CYP2A7: variants seen among roughly 807,000 people sequenced by gnomAD.
CYP2A7 encodes cytochrome P450 2A7.
In CYP2A7, 36 loss-of-function variants were observed where a neutral mutation model predicts 42.0. The observed-to-expected ratio is 0.86, with a 90% confidence interval of 0.66 to 1.13. CYP2A7 has a LOEUF of 1.13. Ranked by LOEUF, CYP2A7 falls within the 50% of genes most tolerant of loss-of-function variation. The pLI, the probability that CYP2A7 is intolerant of heterozygous loss-of-function variation, is 0.00. For synonymous variants in CYP2A7, 260 were observed against 249.5 expected, an observed-to-expected ratio of 1.04 and a Z score of -0.40; for missense variants, 661 against 634.1, an observed-to-expected ratio of 1.04 and a Z score of -0.46.
At chr19:40,879,413 G>A (rs1967605583) in intron 4 of CYP2A7, among the ~76,000 whole-genome samples, 2 of 151,806 alleles carry the variant, frequency 1.3e-5, no homozygotes, top group Middle Eastern at 3.4e-3. Flanking sequence ...AGTGGGGCTG[G>A]TGAAGATGTT....
At chr19:40,880,399 T>C in intron 3 of CYP2A7, 80 bp downstream of exon 3, 1 of 1,569,020 alleles carries the variant, frequency 6.4e-7, no homozygotes, top group Non-Finnish European at 8.7e-7. Flanking sequence ...CTAGTCCCCA[T>C]CCGCAGGCAG....
Position 40,877,620 on chromosome 19 carries a change from G to A in CYP2A7, c.973+232C>T, listed in dbSNP as rs554364086. Among the ~76,000 whole-genome samples, 7 of 151,546 alleles carry A rather than the reference G, an allele frequency of 4.6e-5. No homozygotes were observed. In the East Asian group the frequency reaches 5.8e-4, roughly 13 times the overall value. The stretch of plus-strand genomic sequence containing the variant: ...GAGATGACCCGGGGGAAGGGGCAGC[G>A]GGCACTCAGTGGGCTTGGGACAGAA... On this transcript the variant is annotated intron_variant, in intron 6 of 8. Transcript: ENST00000301146.
chr19:40,877,824 C>T lies in CYP2A7; in HGVS notation c.973+28G>A, dbSNP rs757199489. 104 of 1,588,464 alleles carry T rather than the reference C, an allele frequency of 6.5e-5. 6 individuals are homozygous for T. The highest frequency in any genetic ancestry group is 8.9e-5 in the Non-Finnish European group (104 of 1,168,896). On this transcript the variant is annotated intron_variant, in intron 6 of 8. Coordinates refer to ENST00000301146, the MANE Select transcript of CYP2A7 (RefSeq NM_000764.3). Reference sequence around the variant, plus strand: ...AGGGGAATTTTGAGGGTCTGGGGCCCTCCACTTCCGTCCCCCTCCAGCCTT... The same window carrying T: ...AGGGGAATTTTGAGGGTCTGGGGCCTTCCACTTCCGTCCCCCTCCAGCCTT...
rs538870680 is a variant in CYP2A7 at position 40,880,238 on chromosome 19, T to C, written c.500A>G (p.Asn167Ser). ...GCTCAGGAAGAAGGTGGGATCGATA[T>C]TGGCGCCTGCGGGTGTGGAGGGAGA... ...IEAIRSTHGA[N>S]IDPTFFLSRT... is the part of the protein sequence containing the mutation. The change falls in exon 4 of 9, where the codon AAT (asparagine) becomes AGT (serine). Residue 167 changes from asparagine (N) to serine (S), a missense_variant. Physicochemically the swap from Asn to Ser is conservative, Grantham distance 46. This residue lies in a region of CYP2A7 where 614 missense variants were observed against 552.4 expected (regional missense o/e 1.11). Coordinates refer to ENST00000301146, the MANE Select transcript of CYP2A7 (RefSeq NM_000764.3). 3 of 1,612,634 alleles carry C rather than the reference T, an allele frequency of 1.9e-6. No individual in the cohort carries two copies. The highest frequency in any genetic ancestry group is 2.2e-5 in the South Asian group (2 of 90,978).
intron 7 of CYP2A7, chr19:40,876,928 T>G (rs912871326): frequency 1.6e-5 from 10 of 640,304 alleles, no homozygotes; most frequent in African/African-American, 1.1e-4. Context: ...ACAAAAGGCC[T>G]AATGGAAAGG....
chr19:40,881,590 A>G lies in CYP2A7; in HGVS notation c.342T>C (p.Tyr114=). 1 of 1,611,820 alleles carries G rather than the reference A, an allele frequency of 6.2e-7. No homozygotes were observed. The highest frequency in any genetic ancestry group is 8.5e-7 in the Non-Finnish European group (1 of 1,179,566). Residue 114 remains tyrosine (Y), a splice_region_variant and synonymous_variant, in exon 2 of 9, where the codon TAT becomes TAC. Transcript: ENST00000301146. ...QATFDWVFKG[Y]GVAFSNGERA... ...TCCCCATCTTGGGCACCCCCTCACC[A>G]TAGCCTTTGAAGACCCAGTCGAAGG...
intron 4 of CYP2A7, among the ~76,000 whole-genome samples, chr19:40,879,535 A>G (rs1967607700): frequency 2.6e-5 from 4 of 151,930 alleles, no homozygotes; most frequent in Admixed American, 2.0e-4. Context: ...TTTGTGTGTC[A>G]GGGAACAATC....
intron 5 of CYP2A7, 102 bp from the exon 6 acceptor site, chr19:40,878,095 G>C (rs1967577857): frequency 7.6e-7 from 1 of 1,319,606 alleles, no homozygotes; most frequent in South Asian, 1.5e-5. Flanking sequence ...CAGACCAAAG[G>C]TGGAAAGAGG....
chr19:40,877,121 G>A (rs1196065278), intron 7 of CYP2A7, 69 bp downstream of exon 7: 1 of 1,557,354 alleles, frequency 6.4e-7, no homozygotes, highest in Admixed American at 1.7e-5. Context: ...CTTCTAATGG[G>A]GGCAGGATTC....
Position 40,875,871 on chromosome 19 carries a change from T to C in CYP2A7, c.1307A>G (p.Lys436Arg), listed in dbSNP as rs760359255. ...SDAFVPFSIGKRNCFGEGLAR... is the reference protein window; with the variant it reads ...SDAFVPFSIGRRNCFGEGLAR... ...CAGGCCTTCTCCGAAACAGTTCCGCTTTCCTGAGGAGGAGAGGCGGGAGGG... is the reference window on the plus strand; with the variant it reads ...CAGGCCTTCTCCGAAACAGTTCCGCCTTCCTGAGGAGGAGAGGCGGGAGGG... Residue 436 changes from lysine (K) to arginine (R), a missense_variant, in exon 9 of 9, where the codon AAG (lysine) becomes AGG (arginine). Transcript: ENST00000301146. The C allele has an allele frequency of 3.7e-5, 57 of 1,541,546 alleles. No individual in the cohort carries two copies. The highest frequency in any genetic ancestry group is 1.8e-4 in the Middle Eastern group (1 of 5,568).
rs544132996 is a variant in CYP2A7, at chr19:40,877,847, C to T, written c.973+5G>A. 3 of 1,602,622 alleles carry T rather than the reference C, an allele frequency of 1.9e-6. 1 individual carries two copies. Among genetic ancestry groups the T allele is most frequent in the Non-Finnish European group, 8.5e-7 (1 of 1,175,104 alleles). Reference sequence around the variant, plus strand: ...CCCTCCACTTCCGTCCCCCTCCAGCCTTACCCTCCACCTCTGGGTGCTTCA... The same window carrying T: ...CCCTCCACTTCCGTCCCCCTCCAGCTTTACCCTCCACCTCTGGGTGCTTCA... On this transcript the variant is annotated splice_donor_5th_base_variant and intron_variant, in intron 6 of 8. Coordinates refer to ENST00000301146, the MANE Select transcript of CYP2A7 (RefSeq NM_000764.3).
rs374512565 is a variant in CYP2A7 at position 40,881,576 on chromosome 19, G to C, written c.343+13C>G. 4 of 1,611,284 alleles carry C rather than the reference G, an allele frequency of 2.5e-6. No homozygotes were observed. In the East Asian group the frequency reaches 6.7e-5, roughly 27 times the overall value. ...CCGCCTGGCCACCTTCCCCATCTTG[G>C]GCACCCCCTCACCATAGCCTTTGAA... On this transcript the variant is annotated intron_variant, in intron 2 of 8. Coordinates refer to ENST00000301146, the MANE Select transcript of CYP2A7 (RefSeq NM_000764.3).
intron 4 of CYP2A7, 30 bp from the exon 5 acceptor site, chr19:40,878,966 A>C (rs370478567): frequency 3.1e-6 from 5 of 1,593,446 alleles, no homozygotes; most frequent in Non-Finnish European, 3.4e-6. Context: ...ATGGGAAGGG[A>C]AGGACAGCTG....
chr19:40,881,449 G>T (rs148166246), intron 2 of CYP2A7, 140 bp downstream of exon 2: 2 of 1,433,246 alleles, frequency 1.4e-6, no homozygotes, highest in Non-Finnish European at 1.9e-6. Context: ...AGAGGCCACA[G>T]TGAAGGGAGA....
In CYP2A7 at chr19:40,880,557, C is replaced by G. The variant is rs890233364; in HGVS notation, c.415G>C (p.Gly139Arg). ...TCCTCGATGCCTCGCTTGCCCACCC[C>G]GAAGTCCCTCAGGGTGGCGATGGCA... ...RFAIATLRDFGVGKRGIEERI... is the reference protein window; with the variant it reads ...RFAIATLRDFRVGKRGIEERI... The change falls in exon 3 of 9, where the codon GGG becomes CGG. Residue 139 changes from glycine to arginine, a missense_variant. Physicochemically the swap from Gly to Arg is moderately radical, Grantham distance 125. Transcript: ENST00000301146. 45 of 1,611,422 alleles carry G rather than the reference C, an allele frequency of 2.8e-5. No individual in the cohort carries two copies. The East Asian group carries it at 4.9e-4, about 18-fold the overall frequency.
In CYP2A7 at chr19:40,875,669, G is replaced by C; in HGVS notation, c.*24C>G. Reference sequence around the variant, plus strand: ...CGCCTTTCCCTGGCCCCGCCCACCAGACCTGCACCGGCACAGCCCTCGCTC... The same window carrying C: ...CGCCTTTCCCTGGCCCCGCCCACCACACCTGCACCGGCACAGCCCTCGCTC... On this transcript the variant is annotated 3_prime_UTR_variant, in exon 9 of 9. Transcript: ENST00000301146. The C allele has an allele frequency of 6.2e-7, 1 of 1,611,214 alleles. No individual in the cohort carries two copies. The highest frequency in any genetic ancestry group is 8.5e-7 in the Non-Finnish European group (1 of 1,178,200).
Position 40,882,049 on chromosome 19 carries a change from T to G in CYP2A7, c.162A>C (p.Ile54=). 1 of 1,613,880 alleles carries G rather than the reference T, an allele frequency of 6.2e-7. No homozygotes were observed. Among genetic ancestry groups the G allele is most frequent in the South Asian group, 1.1e-5 (1 of 91,058 alleles). The part of the protein sequence containing the change: ...GNYLQLNTEH[I]CDSIMKFSEC... ...GGGACACCTTCATGATGGAGTCACA[T>G]ATGTGCTCTGTGTTCAGCTGGAGGT... Residue 54 remains isoleucine (I), a synonymous_variant, in exon 1 of 9, where the codon ATA becomes ATC. Transcript: ENST00000301146.
chr19:40,876,625 G>A lies in CYP2A7; in HGVS notation c.1205C>T (p.Pro402Leu). The change falls in exon 8 of 9, where the codon CCC becomes CTC. Residue 402 changes from proline to leucine, a missense_variant. By Grantham distance (98) the Pro-to-Leu change is moderately conservative (BLOSUM62 -3). Coordinates refer to ENST00000301146, the MANE Select transcript of CYP2A7 (RefSeq NM_000764.3). ...FPMLGSVLRD[P>L]SFFSNPQDFN... ...GTCCTGAGGGTTGGAGAAGAAGCTG[G>A]GGTCTCTCAGCACGGAGCCCAGCAT... 2.5e-6 allele frequency: 4 copies of A among 1,613,022 alleles called. No homozygotes were observed. Among genetic ancestry groups the A allele is most frequent in the Non-Finnish European group, 1.7e-6 (2 of 1,179,246 alleles).
Position 40,877,218 on chromosome 19 carries a change from G to T in CYP2A7, c.1133C>A (p.Thr378Asn), listed in dbSNP as rs1967554105. The T allele has an allele frequency of 6.2e-7, 1 of 1,612,626 alleles. No individual in the cohort carries two copies. Among genetic ancestry groups the T allele is most frequent in the Admixed American group, 1.7e-5 (1 of 59,862 alleles). ...MSLARRVKKD[T>N]KFRDFFLPKG... ...AGGGAGGAAAAAATCCCGAAACTTG[G>T]TGTCCTTTTTAACCCTGCGGGCCAA... The change falls in exon 7 of 9, where the codon ACC becomes AAC. Residue 378 changes from threonine to asparagine, a missense_variant. Physicochemically the swap from Thr to Asn is moderately conservative, Grantham distance 65. Around this residue, in one of 3 missense-constraint regions of CYP2A7, gnomAD observed 614 missense variants for 552.4 expected, o/e 1.11. Coordinates refer to ENST00000301146, the MANE Select transcript of CYP2A7 (RefSeq NM_000764.3).
Sources: gnomAD v4.1 joint callset for allele counts (sites outside exome capture counted in the v4.1 genomes callset) on GRCh38, gnomAD v4.1.1 for gene constraint, gnomAD v4.1.1 regional missense constraint, MANE v1.5 for transcripts, NCBI Gene and HGNC (gene_info 2026-07-23, HGNC 2026-07-21) for gene names.